Variants in DMBT1 observed in about 807,000 individuals in gnomAD.
The protein encoded by DMBT1 is scavenger receptor cysteine-rich domain-containing protein DMBT1.
DMBT1 carries 198 observed loss-of-function variants against 252.9 expected under a neutral mutation model. That is an observed-to-expected ratio of 0.78 (90% CI 0.70 to 0.88). The LOEUF (loss-of-function observed/expected upper bound fraction) is 0.88. DMBT1 is among the 40% of genes least tolerant of loss of function. The pLI is 0.00. For missense variants in DMBT1, 2,432 were observed against 2,404.7 expected, an observed-to-expected ratio of 1.01 and a Z score of -0.24; for synonymous variants, 990 against 942.7, an observed-to-expected ratio of 1.05 and a Z score of -0.92.
intron 46 of DMBT1, among the ~76,000 whole-genome samples, chr10:122,628,208 A>T (rs2098132410): frequency 6.6e-6 from 1 of 152,246 alleles, no homozygotes; most frequent in Non-Finnish European, 1.5e-5. Context: ...TCCATACAGA[A>T]ACTTGTATGT....
rs1270298039 is a variant in DMBT1 at position 122,618,027 on chromosome 10, C to T, written c.4902C>T (p.Ser1634=). 8.1e-6 allele frequency: 13 copies of T among 1,612,884 alleles called. No individual in the cohort carries two copies. The highest frequency in any genetic ancestry group is 1.0e-5 in the Non-Finnish European group (12 of 1,179,750). The change falls in exon 41 of 56, where the codon TCC becomes TCT. Residue 1634 remains serine, a synonymous_variant. Coordinates refer to ENST00000338354, the MANE Select transcript of DMBT1 (RefSeq NM_001377530.1). ...TGTGTTCCCCTGTAGGATCTGAATC[C>T]ACTTTGGCCCTGAGACTGGTGAATG... ...TSRASTAGSE[S]TLALRLVNGG...
intron 52 of DMBT1, among the ~76,000 whole-genome samples, chr10:122,635,619 C>T (rs748566971): frequency 3.9e-5 from 6 of 152,164 alleles, no homozygotes; most frequent in African/African-American, 7.2e-5. Flanking sequence ...GGCACGATCT[C>T]GGCTCACTGC....
chr10:122,600,193 G>A (rs1381240938), intron 27 of DMBT1, 100 bp downstream of exon 27: 1 of 1,467,716 alleles, frequency 6.8e-7, no homozygotes, highest in African/African-American at 1.5e-5. Flanking sequence ...TGTGGATACT[G>A]TGGGGCATAT....
Position 122,640,367 on chromosome 10 carries a change from C to T in DMBT1, c.7270C>T (p.Leu2424=). 1.2e-6 allele frequency: 2 copies of T among 1,614,072 alleles called. No homozygotes were observed. The highest frequency in any genetic ancestry group is 1.1e-5 in the South Asian group (1 of 91,088). Residue 2424 remains leucine (L), a synonymous_variant, in exon 55 of 56, where the codon CTG becomes TTG. Coordinates refer to ENST00000338354, the MANE Select transcript of DMBT1 (RefSeq NM_001377530.1). ...TGAAATCCTCCATTCTGATGCTGTA[C>T]TGACCTTGTTTGTGGACACCTGCGT... The part of the protein sequence containing the change: ...QAEILHSDAV[L]TLFVDTCVAS...
At position 122,633,416 on chromosome 10, in the gene DMBT1, C is replaced by A. The variant is rs530971284; in HGVS notation, c.6548+75C>A. ...AGGGAATAAATGGTGCTTAAGTGTG[C>A]GCCCAGAAGAATGCCTTGGGGCCCC... On this transcript the variant is annotated intron_variant, in intron 52 of 55. Coordinates refer to ENST00000338354, the MANE Select transcript of DMBT1 (RefSeq NM_001377530.1). 5.1e-6 allele frequency: 8 copies of A among 1,570,324 alleles called. No homozygotes were observed. The Admixed American group carries it at 9.5e-5, about 19-fold the overall frequency.
chr10:122,618,834 C>T (rs1336354138), intron 41 of DMBT1, among the ~76,000 whole-genome samples: 2 of 152,234 alleles, frequency 1.3e-5, no homozygotes, highest in Non-Finnish European at 2.9e-5. Flanking sequence ...TTGTGTCAGG[C>T]CTGCTTGGAG....
rs1178865843 is a variant in DMBT1, at chr10:122,590,763, A to G, written c.2137+69A>G. 11 of 1,536,764 alleles carry G rather than the reference A, an allele frequency of 7.2e-6. No homozygotes were observed. The Admixed American group carries it at 1.7e-4, about 24-fold the overall frequency. ...GCACAATTATCCTTTTTCCCATTCC[A>G]CAGAGCCCTCCTTCTTACCTGTGTG... On this transcript the variant is annotated intron_variant, in intron 18 of 55. Coordinates refer to ENST00000338354, the MANE Select transcript of DMBT1 (RefSeq NM_001377530.1).
At chr10:122,617,620 C>T (rs893038991) in intron 40 of DMBT1, among the ~76,000 whole-genome samples, 1 of 151,618 alleles carries the variant, frequency 6.6e-6, no homozygotes, top group South Asian at 2.1e-4. Context: ...GCTGTCTGGC[C>T]AAGTCCTTGC....
chr10:122,570,949 T>C lies in DMBT1; in HGVS notation c.187+12T>C, dbSNP rs2097657119. 6.2e-7 allele frequency: 1 copy of C among 1,612,506 alleles called. No individual in the cohort carries two copies. Among genetic ancestry groups the C allele is most frequent in the Non-Finnish European group, 8.5e-7 (1 of 1,178,516 alleles). ...AACTGTAGCAGAAGGTAACGTCTAC[T>C]ATGGGGGATCCCTGTGGGCTCATTA... is the stretch of plus-strand genomic sequence containing the variant. On this transcript the variant is annotated intron_variant, in intron 4 of 55. Coordinates refer to ENST00000338354, the MANE Select transcript of DMBT1 (RefSeq NM_001377530.1).
At chr10:122,634,187 C>G (rs888742824) in intron 52 of DMBT1, among the ~76,000 whole-genome samples, 3 of 152,108 alleles carry the variant, frequency 2.0e-5, no homozygotes, top group African/African-American at 7.2e-5. Context: ...TTTGTGGAAC[C>G]CTTTTTCTCC....
At chr10:122,627,942 C>T (rs2098129988) in intron 46 of DMBT1, among the ~76,000 whole-genome samples, 1 of 152,226 alleles carries the variant, frequency 6.6e-6, no homozygotes, top group Non-Finnish European at 1.5e-5. Context: ...TGGAAAGATG[C>T]TCAATGTCAT....
At position 122,624,393 on chromosome 10, in the gene DMBT1, C is replaced by T. The variant is rs551696636; in HGVS notation, c.5609-884C>T. On this transcript the variant is annotated intron_variant, in intron 44 of 55. Coordinates refer to ENST00000338354, the MANE Select transcript of DMBT1 (RefSeq NM_001377530.1). ...CTTAAAATGATGAAGAACAGGCTTC[C>T]GTCAATGTCTATGCTGCTGGAGAAC... 1.3e-4 allele frequency among the ~76,000 whole-genome samples: 20 copies of T among 152,298 alleles called. No individual in the cohort carries two copies. The South Asian group carries it at 3.3e-3, about 25-fold the overall frequency.
intron 51 of DMBT1, 126 bp downstream of exon 51, chr10:122,633,016 C>A (rs1429827126): frequency 2.6e-6 from 4 of 1,521,312 alleles, no homozygotes; most frequent in Non-Finnish European, 2.7e-6. Flanking sequence ...TGCAAGAGTG[C>A]CCTGCCAGCC....
chr10:122,637,442 G>A (rs1249720452), intron 54 of DMBT1, 130 bp downstream of exon 54: 2 of 1,119,388 alleles, frequency 1.8e-6, no homozygotes, highest in Non-Finnish European at 2.5e-6. Flanking sequence ...TTGGAATAAA[G>A]GAAGATAAAA....
chr10:122,577,879 T>C (rs771440468), intron 8 of DMBT1, 39 bp downstream of exon 8: 3 of 1,609,956 alleles, frequency 1.9e-6, no homozygotes, highest in Non-Finnish European at 2.5e-6. Context: ...ACCCCTTCTC[T>C]TTCTGCTCAG....
At chr10:122,632,912 A>G in intron 51 of DMBT1, 22 bp downstream of exon 51, 1 of 1,613,794 alleles carries the variant, frequency 6.2e-7, no homozygotes, top group Non-Finnish European at 8.5e-7. Flanking sequence ...GCTCCCTGAC[A>G]AGTCTGTGGC....
In DMBT1 at chr10:122,588,537, G is replaced by A. The variant is rs117267890; in HGVS notation, c.1784-407G>A. Among the ~76,000 whole-genome samples, 976 of 149,338 alleles carry A rather than the reference G, an allele frequency of 6.5e-3. 192 individuals are homozygous for A. In the East Asian group the frequency reaches 0.16, roughly 25 times the overall value. On this transcript the variant is annotated intron_variant, in intron 16 of 55. Transcript: ENST00000338354. ...GTGGGTGACAGTTTCTGTCCCTGCA[G>A]CTGTCTGGCCAAAGCCTTGCCATCC...
At chr10:122,632,636 T>C (rs2098174936) in intron 50 of DMBT1, among the ~76,000 whole-genome samples, 1 of 152,128 alleles carries the variant, frequency 6.6e-6, no homozygotes, top group Admixed American at 6.5e-5. Context: ...TCCAGGCTCC[T>C]CTCCTTCCCC....
chr10:122,592,427 T>G lies in DMBT1; in HGVS notation c.2332T>G (p.Trp778Gly). The G allele has an allele frequency of 6.3e-7, 1 of 1,588,430 alleles. No individual in the cohort carries two copies. The highest frequency in any genetic ancestry group is 8.6e-7 in the Non-Finnish European group (1 of 1,165,820). The change falls in exon 20 of 56, where the codon TGG becomes GGG. Residue 778 changes from tryptophan to glycine, a missense_variant. By Grantham distance (184) the Trp-to-Gly change is radical (BLOSUM62 -2). This residue lies in a region of DMBT1 where 1,264 missense variants were observed against 1,082.2 expected (regional missense o/e 1.17). Transcript: ENST00000338354. ...NVVCRQLGCG[W>G]ATSAPGNARF... ...GGTCTGCAGGCAGCTGGGCTGTGGC[T>G]GGGCCACGTCGGCCCCAGGAAATGC...
Sources: allele counts gnomAD v4.1 joint callset (sites outside exome capture counted in the v4.1 genomes callset), GRCh38; gene constraint gnomAD v4.1.1; regional missense constraint gnomAD v4.1.1; transcripts MANE v1.5; gene names NCBI Gene and HGNC (gene_info 2026-07-23, HGNC 2026-07-21).